Variants in NIPSNAP2 observed in about 807,000 individuals in gnomAD.
NIPSNAP2 encodes nipsnap homolog 2.
Under a neutral mutation model 48.4 loss-of-function variants are expected in NIPSNAP2, and 42 were observed. The observed-to-expected ratio is 0.87, with a 90% CI of 0.68 to 1.12. The LOEUF (loss-of-function observed/expected upper bound fraction) is 1.12, where lower values mean the gene tolerates loss of function less well. NIPSNAP2 is among the 50% of genes most tolerant of loss of function. NIPSNAP2 has a pLI of 0.00. For synonymous variants in NIPSNAP2, 158 were observed against 126.6 expected, an observed-to-expected ratio of 1.25 and a Z score of -1.67; for missense variants, 314 against 347.3, an observed-to-expected ratio of 0.90 and a Z score of 0.76.
intron 1 of NIPSNAP2, among the ~76,000 whole-genome samples, chr7:55,967,213 T>A (rs1786913520): frequency 6.6e-6 from 1 of 152,266 alleles, no homozygotes; most frequent in African/African-American, 2.4e-5. Flanking sequence ...TGAAGCCTGC[T>A]TTTCTTTGGT....
At chr7:55,996,280 C>T (rs1411938470) in intron 8 of NIPSNAP2, among the ~76,000 whole-genome samples, 2 of 132,790 alleles carry the variant, frequency 1.5e-5, no homozygotes, top group Admixed American at 7.7e-5. Flanking sequence ...AGCAAGACTC[C>T]GTCTCAAAAA....
At chr7:55,970,683 C>G (rs990644244) in intron 1 of NIPSNAP2, among the ~76,000 whole-genome samples, 2 of 152,138 alleles carry the variant, frequency 1.3e-5, no homozygotes, top group Non-Finnish European at 2.9e-5. Context: ...TCGCCTCGCC[C>G]TCACGGTCCT....
chr7:55,999,856 CAG>C lies in NIPSNAP2; in HGVS notation c.*786_*787del, dbSNP rs1324590410. On this transcript the variant is annotated 3_prime_UTR_variant, in exon 10 of 10. Transcript: ENST00000322090. ...TTTTGTAAACGATCATTTGTGACCT[CAG>C]ACACTCTCTGGCTAATATTTTAATA... 5 of 152,594 alleles carry C rather than the reference CAG, an allele frequency of 3.3e-5. No individual in the cohort carries two copies. Among genetic ancestry groups the C allele is most frequent in the African/African-American group, 1.2e-4 (5 of 41,454 alleles). 9.5% of individuals were successfully genotyped at this position (152,594 alleles called of 1,614,324 possible).
At chr7:55,992,395 C>A (rs1787472352) in intron 7 of NIPSNAP2, among the ~76,000 whole-genome samples, 5 of 152,122 alleles carry the variant, frequency 3.3e-5, no homozygotes, top group Admixed American at 3.3e-4. Flanking sequence ...GAGGCCGGGG[C>A]AGGAGGCTCC....
At chr7:55,981,173 G>T in intron 3 of NIPSNAP2, 3 of 173,852 alleles carry the variant, frequency 1.7e-5, no homozygotes, top group Non-Finnish European at 2.4e-5. Context: ...ATGGAAAATA[G>T]TAGACCCATA....
In NIPSNAP2 at chr7:55,964,631, G is replaced by A. The variant is rs563455116; in HGVS notation, c.22G>A (p.Ala8Thr). The A allele has an allele frequency of 2.7e-3, 2,899 of 1,064,300 alleles. 69 individuals are homozygous for A. In the African/African-American group the frequency reaches 0.041, roughly 15 times the overall value. 65.9% of individuals were successfully genotyped at this position (1,064,300 alleles called of 1,614,324 possible). The change falls in exon 1 of 10, where the codon GCC becomes ACC. Residue 8 changes from alanine (A) to threonine (T), a missense_variant. Around this residue, in one of 2 missense-constraint regions of NIPSNAP2, gnomAD observed 198 missense variants for 185.5 expected, o/e 1.07. Transcript: ENST00000322090. MAARVLR[A>T]RGAAWAGGLL... is the part of the protein sequence containing the mutation. ...CAAGATGGCGGCGCGAGTGCTGCGC[G>A]CCCGCGGAGCGGCCTGGGCCGGCGG...
At chr7:55,983,991 A>ATATGTATATT (rs1787275859) in intron 6 of NIPSNAP2, 123 bp downstream of exon 6, 2 of 675,048 alleles carry the variant, frequency 3.0e-6, no homozygotes. Context: ...ATATGTATAT[A>ATATGTATATT]TATGTATTTT....
At position 55,978,219 on chromosome 7, in the gene NIPSNAP2, C is replaced by A. The variant is rs1200898332; in HGVS notation, c.186C>A (p.Ser62=). Residue 62 remains serine (S), a synonymous_variant, in exon 2 of 10, where the codon TCC becomes TCA. Transcript: ENST00000322090. ...TTGATCCAAGAAAAGATGCCCACTCCAATCTCCTAGCCAAAAAGGAAACAA... is the reference window on the plus strand; with the variant it reads ...TTGATCCAAGAAAAGATGCCCACTCAAATCTCCTAGCCAAAAAGGAAACAA... ...RKVDPRKDAH[S]NLLAKKETSN... 6.2e-7 allele frequency: 1 copy of A among 1,614,198 alleles called. No homozygotes were observed. The highest frequency in any genetic ancestry group is 2.2e-5 in the East Asian group (1 of 44,880).
intron 5 of NIPSNAP2, among the ~76,000 whole-genome samples, chr7:55,983,394 T>C (rs1296798965): frequency 6.6e-6 from 1 of 152,226 alleles, no homozygotes; most frequent in Non-Finnish European, 1.5e-5. Context: ...TTGAATTATC[T>C]GCTCTTTTGT....
intron 7 of NIPSNAP2, among the ~76,000 whole-genome samples, chr7:55,988,024 G>A (rs1787366230): frequency 6.6e-6 from 1 of 152,062 alleles, no homozygotes; most frequent in Non-Finnish European, 1.5e-5. Flanking sequence ...TACTTTGGGA[G>A]GCTAAGGTGG....
intron 7 of NIPSNAP2, among the ~76,000 whole-genome samples, 187 bp downstream of exon 7, chr7:55,985,065 C>T (rs920949971): frequency 6.6e-6 from 1 of 152,166 alleles, no homozygotes; most frequent in Admixed American, 6.6e-5. Context: ...TGGGGCTCCC[C>T]TTCCACATCC....
At position 55,999,091 on chromosome 7, in the gene NIPSNAP2, T is replaced by C. The variant is rs199823223; in HGVS notation, c.*19T>C. 1.5e-4 allele frequency: 244 copies of C among 1,580,724 alleles called. No individual in the cohort carries two copies. Among genetic ancestry groups the C allele is most frequent in the Non-Finnish European group, 2.1e-4 (238 of 1,151,068 alleles). ...CCAGTAAAGCTGTAGAGTTTCTATG[T>C]GCCTACATACATTTCTGTGACAAGT... On this transcript the variant is annotated 3_prime_UTR_variant, in exon 10 of 10. Transcript: ENST00000322090.
In NIPSNAP2 at chr7:55,981,549, G is replaced by A; in HGVS notation, c.355G>A (p.Gly119Ser). 4 of 1,613,704 alleles carry A rather than the reference G, an allele frequency of 2.5e-6. No individual in the cohort carries two copies. Among genetic ancestry groups the A allele is most frequent in the Non-Finnish European group, 3.4e-6 (4 of 1,179,744 alleles). The change falls in exon 4 of 10, where the codon GGC becomes AGC. Residue 119 changes from glycine (G) to serine (S), a missense_variant. This residue lies in a region of NIPSNAP2 where 198 missense variants were observed against 185.5 expected (regional missense o/e 1.07). Coordinates refer to ENST00000322090, the MANE Select transcript of NIPSNAP2 (RefSeq NM_001483.3). ...TLVGTWNTWYGEQDQAVHLWR... is the reference protein window; with the variant it reads ...TLVGTWNTWYSEQDQAVHLWR... ...GGTGGGGACTTGGAACACGTGGTATGGCGAGCAGGACCAAGCTGGTAGGAA... is the reference window on the plus strand; with the variant it reads ...GGTGGGGACTTGGAACACGTGGTATAGCGAGCAGGACCAAGCTGGTAGGAA...
chr7:55,995,452 G>T (rs572274347), intron 8 of NIPSNAP2, among the ~76,000 whole-genome samples: 22 of 152,162 alleles, frequency 1.4e-4, no homozygotes, highest in African/African-American at 5.1e-4. Context: ...ACACACTTTT[G>T]TTTGGCACCA....
intron 1 of NIPSNAP2, among the ~76,000 whole-genome samples, chr7:55,973,652 T>C (rs1262135659): frequency 6.6e-6 from 1 of 151,042 alleles, no homozygotes; most frequent in Non-Finnish European, 1.5e-5. Flanking sequence ...TTTTTTTTTT[T>C]TTTGTAGTGT....
At chr7:55,994,800 C>T in intron 7 of NIPSNAP2, 94 bp from the exon 8 acceptor site, 1 of 989,606 alleles carries the variant, frequency 1.0e-6, no homozygotes, top group South Asian at 1.3e-5. Context: ...TCATTTTAAA[C>T]AGCCTGCCCT....
At position 55,969,788 on chromosome 7, in the gene NIPSNAP2, C is replaced by T. The variant is rs537619507; in HGVS notation, c.92+5087C>T. Among the ~76,000 whole-genome samples, 13 of 152,144 alleles carry T rather than the reference C, an allele frequency of 8.5e-5. No homozygotes were observed. The East Asian group carries it at 2.5e-3, about 30-fold the overall frequency. ...CACGAGGTCAGGAGATCGAGACCAT[C>T]CTGGCTAACATGGTGAAACCCTGTC... On this transcript the variant is annotated intron_variant, in intron 1 of 9. Coordinates refer to ENST00000322090, the MANE Select transcript of NIPSNAP2 (RefSeq NM_001483.3).
chr7:55,984,429 A>G (rs1030974859), intron 6 of NIPSNAP2, among the ~76,000 whole-genome samples: 1 of 151,906 alleles, frequency 6.6e-6, no homozygotes, highest in African/African-American at 2.4e-5. Context: ...TAAAAAGTAA[A>G]GTTTTGGCTG....
intron 5 of NIPSNAP2, among the ~76,000 whole-genome samples, chr7:55,983,395 G>A (rs966123532): frequency 3.3e-5 from 5 of 152,150 alleles, no homozygotes; most frequent in African/African-American, 1.2e-4. Flanking sequence ...TGAATTATCT[G>A]CTCTTTTGTA....
Sources: gnomAD v4.1 joint callset for allele counts (sites outside exome capture counted in the v4.1 genomes callset) on GRCh38, gnomAD v4.1.1 for gene constraint, gnomAD v4.1.1 regional missense constraint, MANE v1.5 for transcripts, NCBI Gene and HGNC (gene_info 2026-07-23, HGNC 2026-07-21) for gene names.